Variants in RBM44 observed in about 807,000 individuals in gnomAD.
RBM44 encodes RNA-binding protein 44.
Under a neutral mutation model 105.1 loss-of-function variants are expected in RBM44, and 66 were observed. The observed-to-expected ratio is 0.63, with a 90% confidence interval of 0.52 to 0.77. RBM44 has a LOEUF of 0.77. Ranked by LOEUF, RBM44 falls within the 30% of genes least tolerant of loss-of-function variation. RBM44 has a pLI of 0.00. For synonymous variants in RBM44, 365 were observed against 417.6 expected (o/e 0.87, Z 1.54); for missense variants, 1,122 against 1,207.8 (o/e 0.93, Z 1.05).
At chr2:237,829,818 T>C (rs1024867535) in intron 13 of RBM44, among the ~76,000 whole-genome samples, 3 of 152,212 alleles carry the variant, frequency 2.0e-5, no homozygotes, top group African/African-American at 4.8e-5. Flanking sequence ...CTTTCATAGC[T>C]AACTTTATCT....
chr2:237,804,486 G>A (rs867090761), intron 1 of RBM44, among the ~76,000 whole-genome samples: 2 of 152,200 alleles, frequency 1.3e-5, no homozygotes, highest in South Asian at 4.1e-4. Flanking sequence ...ATTCTGGCTG[G>A]TGTGAGATGG....
Position 237,817,961 on chromosome 2 carries a change from G to A in RBM44, c.1042G>A (p.Glu348Lys). The A allele has an allele frequency of 6.2e-7, 1 of 1,606,322 alleles. No individual in the cohort carries two copies. The highest frequency in any genetic ancestry group is 1.3e-5 in the African/African-American group (1 of 74,282). ...GKDFCGNKIV[E>K]NKILLHLENP... ...AGATTTTTGTGGAAATAAAATTGTT[G>A]AGAACAAAATATTACTGCACCTTGA... The change falls in exon 3 of 16, where the codon GAG becomes AAG. Residue 348 changes from glutamate (E) to lysine (K), a missense_variant. This residue lies in a region of RBM44 where 918 missense variants were observed against 955.3 expected (regional missense o/e 0.96). Coordinates refer to ENST00000316997, the MANE Select transcript of RBM44 (RefSeq NM_001080504.3).
At chr2:237,840,095 G>T (rs893884510) in intron 15 of RBM44, among the ~76,000 whole-genome samples, 1 of 148,380 alleles carries the variant, frequency 6.7e-6, no homozygotes, top group African/African-American at 2.5e-5. Flanking sequence ...AGGCTGAAGT[G>T]AAGGATCCCT....
At chr2:237,820,152 G>A (rs1485766233) in intron 4 of RBM44, 23 bp from the exon 5 acceptor site, 1 of 1,393,686 alleles carries the variant, frequency 7.2e-7, no homozygotes, top group African/African-American at 1.5e-5. Context: ...AATCTTACCT[G>A]ATCCTATCTT....
At chr2:237,820,494 A>G (rs2061773905) in intron 5 of RBM44, 143 bp downstream of exon 5, 3 of 515,896 alleles carry the variant, frequency 5.8e-6, no homozygotes, top group Non-Finnish European at 1.0e-5. Context: ...GCCTAAGGGT[A>G]ATAGAACCCT....
At position 237,817,398 on chromosome 2, in the gene RBM44, T is replaced by G. The variant is rs964259769; in HGVS notation, c.479T>G (p.Ile160Ser). The change falls in exon 3 of 16, where the codon ATC becomes AGC. Residue 160 changes from isoleucine to serine, a missense_variant. Coordinates refer to ENST00000316997, the MANE Select transcript of RBM44 (RefSeq NM_001080504.3). ...GATAAGACTGTTGGCTTGGAAAGAA[T>G]CTACAATATTTCAGATGCTAATTAT... ...HQDKTVGLER[I>S]YNISDANYRE... 3.7e-6 allele frequency: 6 copies of G among 1,602,322 alleles called. No homozygotes were observed. The highest frequency in any genetic ancestry group is 4.3e-6 in the Non-Finnish European group (5 of 1,174,116).
At position 237,833,607 on chromosome 2, in the gene RBM44, T is replaced by C. The variant is rs1476670356; in HGVS notation, c.2887-390T>C. The stretch of plus-strand genomic sequence containing the variant: ...GAATTAAGCCTTAATGCCCTAAGCC[T>C]AAAACATTTATTTAATGAATGAATC... On this transcript the variant is annotated intron_variant, in intron 13 of 15. Transcript: ENST00000316997. Among the ~76,000 whole-genome samples the C allele has an allele frequency of 2.0e-5, 3 of 152,192 alleles. No homozygotes were observed. In the East Asian group the frequency reaches 5.8e-4, roughly 29 times the overall value.
rs1559912913 is a variant in RBM44, at chr2:237,818,159, C to T, written c.1240C>T (p.Pro414Ser). 2 of 1,613,022 alleles carry T rather than the reference C, an allele frequency of 1.2e-6. No homozygotes were observed. Among genetic ancestry groups the T allele is most frequent in the Non-Finnish European group, 8.5e-7 (1 of 1,179,442 alleles). The stretch of plus-strand genomic sequence containing the variant: ...AGCCTTAGATTTTTCTGCTATGCTA[C>T]CAAAGATCGCAGTCAGAGATAATCA... ...DSALDFSAML[P>S]KIAVRDNQAI... The change falls in exon 3 of 16, where the codon CCA (proline) becomes TCA (serine). Residue 414 changes from proline to serine, a missense_variant. By Grantham distance (74) the Pro-to-Ser change is moderately conservative. Coordinates refer to ENST00000316997, the MANE Select transcript of RBM44 (RefSeq NM_001080504.3). The surrounding 1 kb of genome is among the most constrained non-coding windows in gnomAD (Gnocchi z 4.6).
chr2:237,818,270 A>G lies in RBM44; in HGVS notation c.1351A>G (p.Thr451Ala). 2 of 1,613,256 alleles carry G rather than the reference A, an allele frequency of 1.2e-6. No individual in the cohort carries two copies. Among genetic ancestry groups the G allele is most frequent in the South Asian group, 2.2e-5 (2 of 91,070 alleles). The change falls in exon 3 of 16, where the codon ACT (threonine) becomes GCT (alanine). Residue 451 changes from threonine (T) to alanine (A), a missense_variant. By Grantham distance (58) the Thr-to-Ala change is moderately conservative. Around this residue, in one of 3 missense-constraint regions of RBM44, gnomAD observed 918 missense variants for 955.3 expected, o/e 0.96. Transcript: ENST00000316997. This position sits in a 1 kb window ranked among gnomAD's most constrained non-coding sequence, Gnocchi z 4.6. Reference sequence around the variant, plus strand: ...CTTTCACAATATAGGAGAAATGTGTACTAAATCATTGACAGATGCAGCAAG... The same window carrying G: ...CTTTCACAATATAGGAGAAATGTGTGCTAAATCATTGACAGATGCAGCAAG... ...TCFHNIGEMC[T>A]KSLTDAASCT...
intron 12 of RBM44, among the ~76,000 whole-genome samples, chr2:237,828,488 A>G (rs1422525568): frequency 1.3e-5 from 2 of 152,120 alleles, no homozygotes; most frequent in Non-Finnish European, 2.9e-5. Context: ...TTTTAAAACT[A>G]TGTTTTTTTC....
At chr2:237,825,384 T>A (rs985523440) in intron 10 of RBM44, among the ~76,000 whole-genome samples, 1 of 152,124 alleles carries the variant, frequency 6.6e-6, no homozygotes. Flanking sequence ...TTTTGTATCT[T>A]TAGTAGTGAC....
At chr2:237,829,005 T>G (rs759529632) in intron 12 of RBM44, among the ~76,000 whole-genome samples, 3 of 152,228 alleles carry the variant, frequency 2.0e-5, no homozygotes, top group African/African-American at 4.8e-5. Flanking sequence ...GTGTAAGAAA[T>G]ACTTTTCTTC....
At chr2:237,824,253 T>TGC in intron 9 of RBM44, 38 bp from the exon 10 acceptor site, 1 of 1,608,548 alleles carries the variant, frequency 6.2e-7, no homozygotes, top group South Asian at 1.1e-5. Context: ...TGTTGGACGT[T>TGC]ACGTGTCATT....
intron 15 of RBM44, 122 bp downstream of exon 15, chr2:237,834,545 A>G (rs1298099978): frequency 4.1e-6 from 2 of 485,368 alleles, no homozygotes; most frequent in Non-Finnish European, 6.6e-6. Context: ...ACAAAATAAT[A>G]TGAAATTTTA....
At chr2:237,820,621 C>T (rs1346687470) in intron 5 of RBM44, 15 of 285,514 alleles carry the variant, frequency 5.3e-5, no homozygotes, top group Non-Finnish European at 8.3e-5. Context: ...TTTTGCATGA[C>T]ATGCTACCAC....
intron 1 of RBM44, among the ~76,000 whole-genome samples, chr2:237,802,177 C>T (rs542351621): frequency 8.5e-5 from 13 of 152,308 alleles, no homozygotes; most frequent in African/African-American, 2.9e-4. Flanking sequence ...AATCCTTAGA[C>T]TAGGTTAAGT....
intron 13 of RBM44, 151 bp from the exon 14 acceptor site, chr2:237,833,846 T>C (rs1281618399): frequency 5.1e-6 from 2 of 388,360 alleles, no homozygotes; most frequent in East Asian, 4.3e-5. Flanking sequence ...GTAAATGCAA[T>C]TGGTATAAAC....
At position 237,813,542 on chromosome 2, in the gene RBM44, A is replaced by G. The variant is rs574472193; in HGVS notation, c.-18-50A>G. 1.3e-4 allele frequency: 132 copies of G among 1,022,376 alleles called. No homozygotes were observed. The East Asian group carries it at 3.3e-3, about 26-fold the overall frequency. 63.3% of individuals were successfully genotyped at this position (1,022,376 alleles called of 1,614,324 possible). ...CTTTCTGTCCTTTATGTAGTTGTCA[A>G]TTTATGCTTTTTAAGTATAATAATA... is the stretch of plus-strand genomic sequence containing the variant. On this transcript the variant is annotated intron_variant, in intron 1 of 15. Transcript: ENST00000316997.
chr2:237,821,762 G>A lies in RBM44; in HGVS notation c.2140G>A (p.Glu714Lys). The A allele has an allele frequency of 6.2e-7, 1 of 1,610,520 alleles. No homozygotes were observed. The highest frequency in any genetic ancestry group is 8.5e-7 in the Non-Finnish European group (1 of 1,177,678). Residue 714 changes from glutamate (E) to lysine (K), a missense_variant, in exon 8 of 16, where the codon GAA (glutamate) becomes AAA (lysine). Physicochemically the swap from Glu to Lys is moderately conservative, Grantham distance 56. Transcript: ENST00000316997. The part of the protein sequence containing the change: ...ETHVFSEADA[E>K]QDNQRAHDVD... ...TTTTAGCTTTTCAGAAGCAGATGCTGAACAAGATAATCAGAGGGCTCATGA... is the reference window on the plus strand; with the variant it reads ...TTTTAGCTTTTCAGAAGCAGATGCTAAACAAGATAATCAGAGGGCTCATGA...
Sources: gnomAD v4.1 joint callset for allele counts (sites outside exome capture counted in the v4.1 genomes callset) on GRCh38, gnomAD v4.1.1 for gene constraint, gnomAD v4.1.1 regional missense constraint, Gnocchi (gnomAD v3.1) non-coding constraint, MANE v1.5 for transcripts, NCBI Gene and HGNC (gene_info 2026-07-23, HGNC 2026-07-21) for gene names.